Variants in SYN3 observed in about 807,000 individuals in gnomAD.
SYN3 encodes synapsin III, also known as synapsin-3.
A neutral mutation model predicts 65.8 loss-of-function variants in SYN3; 35 were observed. The observed-to-expected ratio is 0.53, with a 90% CI of 0.41 to 0.70. The LOEUF is 0.70. SYN3 is among the 30% of genes least tolerant of loss of function. The pLI is 0.00. For missense variants in SYN3, 680 were observed against 749.0 expected (o/e 0.91, Z 1.08); for synonymous variants, 270 against 292.9 (o/e 0.92, Z 0.80).
At chr22:32,988,266 C>G (rs1406615243) in intron 2 of SYN3, among the ~76,000 whole-genome samples, 1 of 150,944 alleles carries the variant, frequency 6.6e-6, no homozygotes, top group Admixed American at 6.6e-5. Flanking sequence ...AAGATCTCGC[C>G]ACTGCACTCC....
chr22:32,652,609 C>T (rs867074231), intron 6 of SYN3, among the ~76,000 whole-genome samples: 1 of 151,972 alleles, frequency 6.6e-6, no homozygotes, highest in African/African-American at 2.4e-5. Flanking sequence ...GGTGGGGGAC[C>T]AGCAGCTCAA....
chr22:32,712,601 C>T (rs2060981139), intron 6 of SYN3, among the ~76,000 whole-genome samples: 1 of 150,052 alleles, frequency 6.7e-6, no homozygotes, highest in African/African-American at 2.5e-5. Flanking sequence ...GATGTATTTC[C>T]CAGAAACTCT....
At chr22:32,907,408 T>C (rs1412309070) in intron 4 of SYN3, among the ~76,000 whole-genome samples, 1 of 152,130 alleles carries the variant, frequency 6.6e-6, no homozygotes, top group African/African-American at 2.4e-5. Context: ...GGAAGATCCA[T>C]TTATTGAAGA....
At chr22:32,851,888 A>G (rs1006172245) in intron 6 of SYN3, among the ~76,000 whole-genome samples, 1 of 152,186 alleles carries the variant, frequency 6.6e-6, no homozygotes, top group African/African-American at 2.4e-5. Flanking sequence ...TCTAGGTACC[A>G]GCCTGCAAGT....
At chr22:32,635,795 C>T (rs1186717784) in intron 6 of SYN3, among the ~76,000 whole-genome samples, 1 of 152,124 alleles carries the variant, frequency 6.6e-6, no homozygotes, top group Admixed American at 6.5e-5. Context: ...GCAAATTTCC[C>T]GAATCTCCCA....
intron 6 of SYN3, among the ~76,000 whole-genome samples, chr22:32,737,463 C>A (rs1351430803): frequency 6.6e-6 from 1 of 152,106 alleles, no homozygotes; most frequent in Non-Finnish European, 1.5e-5. Flanking sequence ...CTATCCCTCC[C>A]CCTCCCCCAA....
At chr22:32,858,455 T>G (rs1221722032) in intron 6 of SYN3, among the ~76,000 whole-genome samples, 1 of 152,148 alleles carries the variant, frequency 6.6e-6, no homozygotes, top group East Asian at 1.9e-4. Flanking sequence ...TATAGGATCC[T>G]GACACTGGCA....
intron 8 of SYN3, among the ~76,000 whole-genome samples, chr22:32,539,321 GA>G (rs34573252): frequency 0.64 from 97,822 of 151,700 alleles, 31,664 homozygotes; most frequent in East Asian, 0.9. Flanking sequence ...CAAAAAAGTG[GA>G]ATAGATGGTG....
chr22:32,943,076 A>C (rs1002294926), intron 3 of SYN3, among the ~76,000 whole-genome samples: 16 of 152,230 alleles, frequency 1.1e-4, no homozygotes, highest in Non-Finnish European at 1.8e-4. Flanking sequence ...CCAACATTCA[A>C]ATTCAGGAAA....
At chr22:32,880,324 G>C (rs910722425) in intron 4 of SYN3, among the ~76,000 whole-genome samples, 7 of 152,186 alleles carry the variant, frequency 4.6e-5, no homozygotes, top group Non-Finnish European at 1.0e-4. Flanking sequence ...CATGGAGGGA[G>C]TCCTCTTCAG....
chr22:32,606,431 T>C (rs548109472), intron 6 of SYN3, among the ~76,000 whole-genome samples: 1 of 152,310 alleles, frequency 6.6e-6, no homozygotes, highest in East Asian at 1.9e-4. Context: ...GCACGGCACA[T>C]AGAGACACTC....
chr22:32,950,013 G>A (rs913200693), intron 3 of SYN3, among the ~76,000 whole-genome samples: 13 of 152,278 alleles, frequency 8.5e-5, no homozygotes, highest in African/African-American at 3.1e-4. Context: ...GATTTGTCTG[G>A]AATCCCAGGG....
intron 1 of SYN3, among the ~76,000 whole-genome samples, chr22:33,010,848 T>A (rs1352405713): frequency 1.3e-5 from 2 of 152,176 alleles, no homozygotes; most frequent in Non-Finnish European, 2.9e-5. Context: ...TTATTCCTAT[T>A]TCGTTTGGGG....
At chr22:33,046,325 T>A (rs5998707) in intron 1 of SYN3, among the ~76,000 whole-genome samples, 2,734 of 152,284 alleles carry the variant, frequency 0.018, 91 homozygotes, top group African/African-American at 0.062. Flanking sequence ...ATCCTAGCAA[T>A]CCAACTCTTG....
chr22:32,548,182 C>G (rs915459927), intron 7 of SYN3, among the ~76,000 whole-genome samples: 1 of 152,168 alleles, frequency 6.6e-6, no homozygotes, highest in Admixed American at 6.5e-5. Context: ...CTCCCTCTAT[C>G]CAGAATCCAC....
intron 4 of SYN3, among the ~76,000 whole-genome samples, chr22:32,869,367 T>TCTCTCTCTCTCTCA (rs61464794): frequency 0.015 from 2,173 of 142,240 alleles, 40 homozygotes; most frequent in East Asian, 0.03. Flanking sequence ...TCTCTCTCTC[T>TCTCTCTCTCTCTCA]CACAGGCTCT....
chr22:32,541,745 C>T, intron 7 of SYN3, 32 bp from the exon 8 acceptor site: 1 of 1,606,286 alleles, frequency 6.2e-7, no homozygotes, highest in South Asian at 1.1e-5. Context: ...ATGAGTGCCA[C>T]CCACCCCGTG....
intron 6 of SYN3, among the ~76,000 whole-genome samples, chr22:32,598,112 C>A (rs79666032): frequency 0.044 from 6,736 of 152,296 alleles, 164 homozygotes; most frequent in Admixed American, 0.051. Flanking sequence ...TGGGGGCCAT[C>A]CTGACCCCTT....
At chr22:32,623,190 GT>G (rs950679972) in intron 6 of SYN3, among the ~76,000 whole-genome samples, 4 of 150,724 alleles carry the variant, frequency 2.7e-5, no homozygotes, top group Non-Finnish European at 4.4e-5. Flanking sequence ...TTTTGTCATA[GT>G]TTTTTTTTCA....
Sources: allele counts gnomAD v4.1 joint callset (sites outside exome capture counted in the v4.1 genomes callset), GRCh38; gene constraint gnomAD v4.1.1; transcripts MANE v1.5; gene names NCBI Gene and HGNC (gene_info 2026-07-23, HGNC 2026-07-21).